WDFY4: variants seen among roughly 807,000 people sequenced by gnomAD.
The protein encoded by WDFY4 is WD repeat- and FYVE domain-containing protein 4.
WDFY4 carries 169 observed loss-of-function variants against 351.9 expected under a neutral mutation model. The ratio of observed to expected loss-of-function variants is 0.48; its 90% CI spans 0.42 to 0.55. The LOEUF is 0.55. Among genes scored for constraint, WDFY4 ranks in the 20% least tolerant of loss-of-function variants. WDFY4 has a pLI of 0.00. For synonymous variants in WDFY4, 1,622 were observed against 1,574.6 expected (o/e 1.03, Z -0.71); for missense variants, 3,803 against 3,935.6 (o/e 0.97, Z 0.90).
In WDFY4 at chr10:48,767,129, T is replaced by C. The variant is rs143798620; in HGVS notation, c.2553+6689T>C. ...AAAATCATGAGCCTTGGAGTAAGGC[T>C]TGTGTTGGCATGGCAGAGCGGCCAC... is the stretch of plus-strand genomic sequence containing the variant. On this transcript the variant is annotated intron_variant, in intron 13 of 61. Coordinates refer to ENST00000325239, the MANE Select transcript of WDFY4 (RefSeq NM_001394531.1). Among the ~76,000 whole-genome samples the C allele has an allele frequency of 1.6e-3, 249 of 152,334 alleles. 1 individual carries two copies. Among genetic ancestry groups the C allele is most frequent in the African/African-American group, 5.6e-3 (233 of 41,576 alleles).
intron 37 of WDFY4, among the ~76,000 whole-genome samples, chr10:48,829,113 C>A (rs1163567294): frequency 1.3e-5 from 2 of 152,104 alleles, no homozygotes; most frequent in Non-Finnish European, 2.9e-5. Flanking sequence ...TAGAAAGTAA[C>A]ACTGGATTGG....
intron 51 of WDFY4, among the ~76,000 whole-genome samples, chr10:48,951,473 G>A (rs1841318557): frequency 6.6e-6 from 1 of 152,118 alleles, no homozygotes; most frequent in Admixed American, 6.6e-5. Context: ...AGAGTACAGT[G>A]GCATGATCAT....
At chr10:48,708,298 C>T (rs2063684794) in intron 1 of WDFY4, among the ~76,000 whole-genome samples, 2 of 152,156 alleles carry the variant, frequency 1.3e-5, no homozygotes, top group Non-Finnish European at 2.9e-5. Context: ...GTTATCCTTG[C>T]CGGTGTCACG....
At chr10:48,906,231 A>G (rs982801787) in intron 47 of WDFY4, among the ~76,000 whole-genome samples, 1 of 152,206 alleles carries the variant, frequency 6.6e-6, no homozygotes, top group African/African-American at 2.4e-5. Context: ...GGCCTAGGCT[A>G]CAGATTTTCA....
At chr10:48,947,658 G>A (rs1017148501) in intron 51 of WDFY4, among the ~76,000 whole-genome samples, 66 of 152,152 alleles carry the variant, frequency 4.3e-4, no homozygotes, top group African/African-American at 1.6e-3. Flanking sequence ...AGTCTTTCAT[G>A]GGCAGTGCTG....
intron 51 of WDFY4, among the ~76,000 whole-genome samples, chr10:48,949,902 G>A (rs889982056): frequency 4.6e-5 from 7 of 152,138 alleles, no homozygotes; most frequent in African/African-American, 1.4e-4. Flanking sequence ...AAGGAGGTGG[G>A]TAGGAGGATC....
In WDFY4 at chr10:48,731,217, T is replaced by C; in HGVS notation, c.1237T>C (p.Trp413Arg). ...AGTCTTGTCAGTCATCAGGACCATG[T>C]GGGCCTGGAATGCTCGAAACTTCTT... ...IQVLSVIRTM[W>R]AWNARNFFLL... is the part of the protein sequence containing the mutation. Residue 413 changes from tryptophan (W) to arginine (R), a missense_variant, in exon 9 of 62, where the codon TGG (tryptophan) becomes CGG (arginine). This residue lies in a region of WDFY4 where 261 missense variants were observed against 330.2 expected (regional missense o/e 0.79). Coordinates refer to ENST00000325239, the MANE Select transcript of WDFY4 (RefSeq NM_001394531.1). The C allele has an allele frequency of 1.3e-6, 2 of 1,551,892 alleles. No homozygotes were observed. Among genetic ancestry groups the C allele is most frequent in the Non-Finnish European group, 1.7e-6 (2 of 1,147,026 alleles).
chr10:48,892,364 A>G (rs1836853922), intron 44 of WDFY4, among the ~76,000 whole-genome samples: 1 of 152,200 alleles, frequency 6.6e-6, no homozygotes, highest in African/African-American at 2.4e-5. Flanking sequence ...CTTGATTTGC[A>G]ATGACAGACA....
intron 41 of WDFY4, among the ~76,000 whole-genome samples, chr10:48,874,176 T>G (rs2069901733): frequency 6.6e-6 from 1 of 152,194 alleles, no homozygotes. Flanking sequence ...TTTCTGCAAT[T>G]TTGAGCCAGT....
intron 40 of WDFY4, among the ~76,000 whole-genome samples, chr10:48,873,122 G>A (rs1423904054): frequency 6.6e-6 from 1 of 152,232 alleles, no homozygotes; most frequent in East Asian, 1.9e-4. Flanking sequence ...CACTTTTGAA[G>A]GGTGGGATTG....
chr10:48,787,947 T>TCTTCTTCTC lies in WDFY4; in HGVS notation c.3809-575_3809-574insCCTTCTTCT, dbSNP rs1565199160. Among the ~76,000 whole-genome samples the TCTTCTTCTC allele has an allele frequency of 7.7e-4, 66 of 85,726 alleles. 4 individuals are homozygous for TCTTCTTCTC. The South Asian group carries it at 8.0e-3, about 10-fold the overall frequency. The allele number at this position is 85,726 out of a possible 152,430, so 56.2% of individuals were successfully genotyped here. On this transcript the variant is annotated intron_variant, in intron 20 of 61. Transcript: ENST00000325239. ...TTCTTCTTCTTCTTCTTCTTCTTCT[T>TCTTCTTCTC]CTTCTTCTTCTTCTTCTTCTTCTTC...
chr10:48,777,595 T>G (rs2066075961), intron 17 of WDFY4, 100 bp downstream of exon 17: 1 of 1,204,360 alleles, frequency 8.3e-7, no homozygotes, highest in Non-Finnish European at 1.2e-6. Flanking sequence ...TTCAATAAAG[T>G]GTGAGCTGTG....
At chr10:48,734,427 C>G (rs1475642015) in intron 10 of WDFY4, among the ~76,000 whole-genome samples, 2 of 151,926 alleles carry the variant, frequency 1.3e-5, no homozygotes, top group African/African-American at 4.8e-5. Context: ...TTGTTGTGCT[C>G]TCATCAGACA....
At chr10:48,742,670 C>T (rs763328932) in intron 11 of WDFY4, among the ~76,000 whole-genome samples, 5 of 152,094 alleles carry the variant, frequency 3.3e-5, no homozygotes, top group Admixed American at 1.3e-4. Context: ...TGTGAGCACT[C>T]GACCTGGGAT....
intron 58 of WDFY4, among the ~76,000 whole-genome samples, chr10:48,976,106 C>A (rs1185843669): frequency 4.6e-5 from 7 of 152,178 alleles, no homozygotes; most frequent in Non-Finnish European, 1.5e-5. Context: ...TCAGACAGAC[C>A]ATCCCTAACA....
At chr10:48,752,625 T>C (rs1013434688) in intron 12 of WDFY4, among the ~76,000 whole-genome samples, 6 of 152,258 alleles carry the variant, frequency 3.9e-5, no homozygotes, top group East Asian at 1.9e-4. Flanking sequence ...AATGGAATCA[T>C]GTAATAGGTT....
chr10:48,855,202 TA>T (rs1440597108), intron 39 of WDFY4, among the ~76,000 whole-genome samples: 1 of 152,140 alleles, frequency 6.6e-6, no homozygotes, highest in African/African-American at 2.4e-5. Context: ...ATAATATACA[TA>T]GGGAAAAAGT....
At chr10:48,795,822 G>T (rs2066855366) in intron 23 of WDFY4, among the ~76,000 whole-genome samples, 1 of 151,972 alleles carries the variant, frequency 6.6e-6, no homozygotes, top group Admixed American at 6.6e-5. Flanking sequence ...AGACAAGCTG[G>T]GTCACCAAAT....
At chr10:48,783,088 A>C (rs1040081017) in intron 19 of WDFY4, among the ~76,000 whole-genome samples, 1 of 152,174 alleles carries the variant, frequency 6.6e-6, no homozygotes, top group African/African-American at 2.4e-5. Context: ...GTGAAAAAGA[A>C]TATTTCTGAA....
Sources: allele counts gnomAD v4.1 joint callset (sites outside exome capture counted in the v4.1 genomes callset), GRCh38; gene constraint gnomAD v4.1.1; regional missense constraint gnomAD v4.1.1; transcripts MANE v1.5; gene names NCBI Gene and HGNC (gene_info 2026-07-23, HGNC 2026-07-21).